MPP7: variants seen among roughly 807,000 people sequenced by gnomAD.
MPP7 encodes the protein MAGUK p55 scaffold protein 7, also known as MAGUK p55 subfamily member 7.
A neutral mutation model predicts 76.5 loss-of-function variants in MPP7; 60 were observed. That is an observed-to-expected ratio of 0.78 (90% CI 0.64 to 0.97). The LOEUF (loss-of-function observed/expected upper bound fraction) is 0.97, where lower values mean the gene tolerates loss of function less well. MPP7 is among the 50% of genes least tolerant of loss of function. The pLI is 0.00. For synonymous variants in MPP7, 237 were observed against 244.5 expected, an observed-to-expected ratio of 0.97 and a Z score of 0.29; for missense variants, 641 against 694.0, an observed-to-expected ratio of 0.92 and a Z score of 0.86.
At chr10:28,251,502 T>A (rs914630435) in intron 1 of MPP7, among the ~76,000 whole-genome samples, 13 of 152,098 alleles carry the variant, frequency 8.5e-5, no homozygotes. Context: ...AAAATTCTAA[T>A]TGTGATTATA....
chr10:28,090,675 G>A (rs1317790), intron 11 of MPP7, among the ~76,000 whole-genome samples: 18,264 of 152,166 alleles, frequency 0.12, 1,737 homozygotes, highest in East Asian at 0.5. Context: ...GTAGTGTAGC[G>A]TGTGCTTATG....
At chr10:28,146,397 G>GTTTTTTTTTTT (rs1463407972) in intron 5 of MPP7, among the ~76,000 whole-genome samples, 1 of 117,568 alleles carries the variant, frequency 8.5e-6, no homozygotes, top group Non-Finnish European at 1.7e-5. Flanking sequence ...TTTTTTTTTT[G>GTTTTTTTTTTT]TTTTTTTGTT....
intron 2 of MPP7, among the ~76,000 whole-genome samples, chr10:28,223,543 A>G (rs1157308484): frequency 6.6e-6 from 1 of 152,200 alleles, no homozygotes; most frequent in Non-Finnish European, 1.5e-5. Context: ...GAGTTCTTCT[A>G]ACTAACTTCC....
chr10:28,138,245 A>G (rs1835409286), intron 5 of MPP7, among the ~76,000 whole-genome samples: 1 of 152,180 alleles, frequency 6.6e-6, no homozygotes. Context: ...TTTGCCTTTA[A>G]TGTGGCAATT....
intron 1 of MPP7, among the ~76,000 whole-genome samples, chr10:28,240,571 T>G (rs1450103363): frequency 6.6e-6 from 1 of 152,138 alleles, no homozygotes; most frequent in South Asian, 2.1e-4. Context: ...AGAATTGTTA[T>G]TTGAAATGCC....
chr10:28,125,677 T>A (rs111375783), intron 6 of MPP7, among the ~76,000 whole-genome samples: 3 of 152,298 alleles, frequency 2.0e-5, no homozygotes, highest in African/African-American at 7.2e-5. Context: ...CAGAAATTAG[T>A]TATATTTGTT....
intron 3 of MPP7, among the ~76,000 whole-genome samples, chr10:28,179,398 C>T (rs1337520975): frequency 6.6e-6 from 1 of 152,030 alleles, no homozygotes; most frequent in Non-Finnish European, 1.5e-5. Flanking sequence ...TTAAGACCAC[C>T]GTGTCTGTTT....
intron 11 of MPP7, among the ~76,000 whole-genome samples, chr10:28,107,739 A>G (rs1306631491): frequency 6.6e-6 from 1 of 152,092 alleles, no homozygotes; most frequent in African/African-American, 2.4e-5. Flanking sequence ...GCACCCCCAA[A>G]CCAACCAGAC....
Position 28,273,462 on chromosome 10 carries a change from G to A in MPP7, c.-132+29399C>T, listed in dbSNP as rs528843007. ...CCTAGGTGTCCTCTTTATTGGTGCC[G>A]TTACAAGGTAAGTGGAGACAGACAT... On this transcript the variant is annotated intron_variant, in intron 1 of 16. Transcript: ENST00000683449. Among the ~76,000 whole-genome samples, 194 of 152,296 alleles carry A rather than the reference G, an allele frequency of 1.3e-3. 3 individuals are homozygous for A. The South Asian group carries it at 0.019, about 15-fold the overall frequency.
chr10:28,132,011 A>G (rs1835209299), intron 5 of MPP7, among the ~76,000 whole-genome samples: 1 of 151,986 alleles, frequency 6.6e-6, no homozygotes, highest in Admixed American at 6.6e-5. Context: ...AAAGGTAGCA[A>G]TTTGGGGCAA....
chr10:28,150,045 T>C lies in MPP7; in HGVS notation c.171A>G (p.Leu57=), dbSNP rs774758265. 29 of 1,613,432 alleles carry C rather than the reference T, an allele frequency of 1.8e-5. No individual in the cohort carries two copies. The East Asian group carries it at 2.5e-4, about 14-fold the overall frequency. ...LHSLVKIHEK[L]HYYEKQSPVP... is the part of the protein sequence containing the mutation. ...CCGGACTCTGCTTCTCATAGTAGTG[T>C]AGTTTTTCATGAATCTGGAAGAAAA... The change falls in exon 4 of 17, where the codon CTA becomes CTG. Residue 57 remains leucine, a synonymous_variant. Transcript: ENST00000683449.
intron 1 of MPP7, among the ~76,000 whole-genome samples, chr10:28,296,422 AACCACTGAAAG>A (rs1330316508): frequency 6.6e-6 from 1 of 152,176 alleles, no homozygotes; most frequent in African/African-American, 2.4e-5. Context: ...CACACACCCC[AACCACTGAAAG>A]ACTTTCTCAC....
intron 5 of MPP7, among the ~76,000 whole-genome samples, chr10:28,142,115 A>G (rs1835539965): frequency 6.6e-6 from 1 of 152,186 alleles, no homozygotes; most frequent in African/African-American, 2.4e-5. Flanking sequence ...ATCATGAAGA[A>G]TACAAGTCCT....
intron 2 of MPP7, among the ~76,000 whole-genome samples, chr10:28,231,945 T>C (rs1311394964): frequency 2.0e-5 from 3 of 152,150 alleles, no homozygotes; most frequent in East Asian, 1.9e-4. Context: ...CTCATCAACA[T>C]AGATCTCAAA....
At chr10:28,231,268 A>C (rs1838873830) in intron 2 of MPP7, among the ~76,000 whole-genome samples, 1 of 151,968 alleles carries the variant, frequency 6.6e-6, no homozygotes, top group Non-Finnish European at 1.5e-5. Flanking sequence ...ATAAAATTAG[A>C]AAATATTTTT....
chr10:28,214,064 G>A (rs1564706726), intron 2 of MPP7, among the ~76,000 whole-genome samples: 1 of 152,110 alleles, frequency 6.6e-6, no homozygotes, highest in Non-Finnish European at 1.5e-5. Context: ...AGGAACAGGA[G>A]ACAATTACTT....
At chr10:28,088,406 G>A (rs1306635356) in intron 12 of MPP7, among the ~76,000 whole-genome samples, 1 of 152,084 alleles carries the variant, frequency 6.6e-6, no homozygotes, top group Non-Finnish European at 1.5e-5. Context: ...TGAGTTCTCA[G>A]GAGATCTGAT....
At chr10:28,058,474 A>C in intron 15 of MPP7, 21 bp downstream of exon 15, 2 of 1,419,302 alleles carry the variant, frequency 1.4e-6, no homozygotes, top group Non-Finnish European at 2.0e-6. Context: ...AAGGGTATTG[A>C]ATAGCTCATT....
chr10:28,106,128 T>A (rs58590537), intron 11 of MPP7, among the ~76,000 whole-genome samples: 9,100 of 152,274 alleles, frequency 0.06, 430 homozygotes, highest in African/African-American at 0.12. Flanking sequence ...CCATGGGATA[T>A]CTGTATGCTT....
Sources: allele counts gnomAD v4.1 joint callset (sites outside exome capture counted in the v4.1 genomes callset), GRCh38; gene constraint gnomAD v4.1.1; transcripts MANE v1.5; gene names NCBI Gene and HGNC (gene_info 2026-07-23, HGNC 2026-07-21).